PALM2AKAP2: variants seen among roughly 807,000 people sequenced by gnomAD.
The protein encoded by PALM2AKAP2 is PALM2-AKAP2 fusion protein.
Under a neutral mutation model 71.5 loss-of-function variants are expected in PALM2AKAP2, and 37 were observed. The ratio of observed to expected loss-of-function variants is 0.52; its 90% CI spans 0.40 to 0.68. PALM2AKAP2 has a LOEUF of 0.68. Among genes scored for constraint, PALM2AKAP2 ranks in the 30% least tolerant of loss-of-function variants. PALM2AKAP2 has a pLI of 0.00. For synonymous variants in PALM2AKAP2, 468 were observed against 478.8 expected (o/e 0.98, Z 0.29); for missense variants, 1,224 against 1,191.8 (o/e 1.03, Z -0.40).
chr9:109,670,329 C>T lies in PALM2AKAP2; in HGVS notation c.5+29463C>T, dbSNP rs528764180. ...GTTCCCCTCTATGTGTCCATGTGTTCTCATCATTTAGCTCCCACTTATAAA... is the reference window on the plus strand; with the variant it reads ...GTTCCCCTCTATGTGTCCATGTGTTTTCATCATTTAGCTCCCACTTATAAA... On this transcript the variant is annotated intron_variant, in intron 1 of 6. Transcript: ENST00000374531. 1.5e-4 allele frequency among the ~76,000 whole-genome samples: 23 copies of T among 152,228 alleles called. 1 individual carries two copies. The highest frequency in any genetic ancestry group is 1.0e-3 in the Admixed American group (16 of 15,272).
chr9:109,756,701 GA>G (rs1828969299), intron 1 of PALM2AKAP2, among the ~76,000 whole-genome samples: 1 of 152,164 alleles, frequency 6.6e-6, no homozygotes, highest in African/African-American at 2.4e-5. Flanking sequence ...AAGTTAACCA[GA>G]TACTCTATGC....
intron 3 of PALM2AKAP2, among the ~76,000 whole-genome samples, chr9:109,921,616 A>G (rs2131947011): frequency 6.6e-6 from 1 of 152,362 alleles, no homozygotes; most frequent in Admixed American, 6.5e-5. Context: ...ATCTGTGAAC[A>G]CCTCATGACA....
At chr9:109,898,129 G>A (rs963444490) in intron 3 of PALM2AKAP2, among the ~76,000 whole-genome samples, 8 of 152,150 alleles carry the variant, frequency 5.3e-5, no homozygotes, top group African/African-American at 1.9e-4. Flanking sequence ...GAACAACTTT[G>A]TTGTTATTGT....
chr9:109,866,472 A>G (rs1829451214), intron 1 of PALM2AKAP2, among the ~76,000 whole-genome samples: 1 of 152,230 alleles, frequency 6.6e-6, no homozygotes, highest in Admixed American at 6.5e-5. Flanking sequence ...GTTCTCATGA[A>G]TCACATTCAT....
intron 1 of PALM2AKAP2, among the ~76,000 whole-genome samples, chr9:109,765,915 A>C (rs1403408084): frequency 3.9e-5 from 6 of 152,062 alleles, no homozygotes; most frequent in African/African-American, 1.2e-4. Flanking sequence ...CTTGGTATCA[A>C]CCCAGTGACC....
intron 1 of PALM2AKAP2, among the ~76,000 whole-genome samples, chr9:109,667,928 GTTTTTTTTTTTTT>G (rs1213195298): frequency 3.5e-5 from 2 of 56,614 alleles, no homozygotes; most frequent in Non-Finnish European, 6.3e-5. Flanking sequence ...GATGGCTTTG[GTTTTTTTTTTTTT>G]TTTTTTTTTT....
At chr9:109,658,026 A>C (rs1020696333) in intron 1 of PALM2AKAP2, among the ~76,000 whole-genome samples, 4 of 151,546 alleles carry the variant, frequency 2.6e-5, no homozygotes, top group African/African-American at 9.7e-5. Flanking sequence ...GAGGAGGCCA[A>C]AGTATTTTGG....
intron 5 of PALM2AKAP2, among the ~76,000 whole-genome samples, chr9:109,926,975 T>C (rs149630785): frequency 2.8e-4 from 43 of 152,318 alleles, no homozygotes; most frequent in Non-Finnish European, 5.0e-4. Flanking sequence ...AGCCTAGTCA[T>C]AACTGAAAAG....
intron 1 of PALM2AKAP2, among the ~76,000 whole-genome samples, chr9:109,693,143 A>C (rs903683642): frequency 6.6e-6 from 1 of 151,984 alleles, no homozygotes; most frequent in African/African-American, 2.4e-5. Flanking sequence ...TGCTGAACTC[A>C]ATTTATTTAA....
chr9:109,713,974 CTT>C (rs1346203775), intron 1 of PALM2AKAP2, among the ~76,000 whole-genome samples: 2 of 152,156 alleles, frequency 1.3e-5, no homozygotes, highest in African/African-American at 4.8e-5. Context: ...ATAGGAGAAA[CTT>C]GAGGGTATAT....
chr9:110,097,869 C>T (rs1174447526), intron 1 of PALM2AKAP2, among the ~76,000 whole-genome samples: 1 of 139,984 alleles, frequency 7.1e-6, no homozygotes, highest in Non-Finnish European at 1.5e-5. Flanking sequence ...AGCCTGGGCA[C>T]CATTGAGCAC....
chr9:109,674,946 A>G lies in PALM2AKAP2; in HGVS notation c.5+34080A>G, dbSNP rs144826619. Among the ~76,000 whole-genome samples the G allele has an allele frequency of 1.2e-3, 178 of 152,196 alleles. 1 individual carries two copies. Among genetic ancestry groups the G allele is most frequent in the African/African-American group, 4.0e-3 (167 of 41,556 alleles). ...TAGATATCATACTACAAGTACACAT[A>G]TAACCACTCTGTTTTTCACTTTCAG... On this transcript the variant is annotated intron_variant, in intron 1 of 6. Transcript: ENST00000374531.
At chr9:109,995,280 G>A (rs1832551572) in intron 6 of PALM2AKAP2, among the ~76,000 whole-genome samples, 1 of 152,112 alleles carries the variant, frequency 6.6e-6, no homozygotes, top group Non-Finnish European at 1.5e-5. Context: ...GGAGAGGAAG[G>A]AGCAGTGCTA....
At chr9:110,091,741 T>C (rs551446047) in intron 1 of PALM2AKAP2, among the ~76,000 whole-genome samples, 22 of 152,238 alleles carry the variant, frequency 1.4e-4, no homozygotes, top group South Asian at 6.2e-4. Flanking sequence ...GGATTACAGG[T>C]GTGAGCCACC....
chr9:110,160,669 A>G (rs1338873372), intron 3 of PALM2AKAP2, among the ~76,000 whole-genome samples: 1 of 152,224 alleles, frequency 6.6e-6, no homozygotes, highest in Non-Finnish European at 1.5e-5. Context: ...CAGAAAGTGA[A>G]GATGATGGGT....
At chr9:109,991,237 T>TTTC (rs77526276) in intron 6 of PALM2AKAP2, among the ~76,000 whole-genome samples, 133,173 of 151,334 alleles carry the variant, frequency 0.88, 58,912 homozygotes, top group African/African-American at 0.97. Flanking sequence ...ATCACATTTT[T>TTTC]TTTTTTCTTT....
intron 1 of PALM2AKAP2, among the ~76,000 whole-genome samples, chr9:109,650,070 G>T (rs1476695667): frequency 6.6e-6 from 1 of 152,116 alleles, no homozygotes. Context: ...TCCATGTTAA[G>T]GTTTTCAGTT....
intron 1 of PALM2AKAP2, among the ~76,000 whole-genome samples, chr9:110,109,016 T>C (rs1588113776): frequency 6.6e-6 from 1 of 151,936 alleles, no homozygotes; most frequent in African/African-American, 2.4e-5. Context: ...GGGTGGTACG[T>C]TGTTAAAACT....
chr9:110,024,880 A>C (rs1013765934), intron 7 of PALM2AKAP2: 166 of 954,318 alleles, frequency 1.7e-4, no homozygotes, highest in Middle Eastern at 8.1e-4. Context: ...TTAAACACCT[A>C]TTATGCCATG....
Sources: gnomAD v4.1 joint callset for allele counts (sites outside exome capture counted in the v4.1 genomes callset) on GRCh38, gnomAD v4.1.1 for gene constraint, MANE v1.5 for transcripts, NCBI Gene and HGNC (gene_info 2026-07-23, HGNC 2026-07-21) for gene names.